The following C9orf85 variants were observed in gnomAD, a reference collection of about 807,000 sequenced individuals.
The protein encoded by C9orf85 is uncharacterized protein C9orf85.
In C9orf85, 16 loss-of-function variants were observed where a neutral mutation model predicts 14.9. The observed-to-expected ratio is 1.08, with a 90% CI of 0.73 to 1.63. The LOEUF is 1.63. Ranked by LOEUF, C9orf85 falls within the 40% of genes most tolerant of loss-of-function variation. C9orf85 has a pLI of 0.00. For synonymous variants in C9orf85, 45 were observed against 56.8 expected, an observed-to-expected ratio of 0.79 and a Z score of 0.93; for missense variants, 172 against 186.1, an observed-to-expected ratio of 0.92 and a Z score of 0.44.
chr9:71,967,321 A>G (rs182742367), intron 2 of C9orf85, among the ~76,000 whole-genome samples: 1 of 152,276 alleles, frequency 6.6e-6, no homozygotes, highest in African/African-American at 2.4e-5. Flanking sequence ...CTTGAAAATC[A>G]GTTGGTCATA....
intron 1 of C9orf85, among the ~76,000 whole-genome samples, chr9:71,925,376 C>T (rs1827905325): frequency 6.6e-6 from 1 of 152,112 alleles, no homozygotes; most frequent in African/African-American, 2.4e-5. Context: ...CAAAATTAGC[C>T]ATGCATGTTG....
chr9:71,955,151 C>T (rs927486362), intron 2 of C9orf85, among the ~76,000 whole-genome samples: 1 of 152,082 alleles, frequency 6.6e-6, no homozygotes, highest in African/African-American at 2.4e-5. Context: ...TGGTTAAATT[C>T]ATGATAGTTT....
At chr9:71,964,963 C>T (rs1822649739) in intron 2 of C9orf85, among the ~76,000 whole-genome samples, 1 of 152,116 alleles carries the variant, frequency 6.6e-6, no homozygotes, top group Non-Finnish European at 1.5e-5. Flanking sequence ...GCAATGGGCA[C>T]CTGGTAAGAT....
intron 1 of C9orf85, chr9:71,941,941 A>T (rs1469594892): frequency 1.3e-5 from 2 of 152,118 alleles, no homozygotes; most frequent in African/African-American, 4.8e-5. Flanking sequence ...AAAGGTAAGA[A>T]GATGTTAATA....
At chr9:71,929,158 AT>A (rs1286356034) in intron 1 of C9orf85, among the ~76,000 whole-genome samples, 1 of 152,066 alleles carries the variant, frequency 6.6e-6, no homozygotes, top group Non-Finnish European at 1.5e-5. Context: ...TACGAAGCAG[AT>A]TTTTTTTAAA....
chr9:71,935,806 G>T (rs1828173966), intron 1 of C9orf85, among the ~76,000 whole-genome samples: 1 of 152,098 alleles, frequency 6.6e-6, no homozygotes, highest in Admixed American at 6.5e-5. Flanking sequence ...ATGGATGGTG[G>T]TGATGGTTGT....
At chr9:71,930,803 C>CAAAAAAAAAAAAA (rs747596247) in intron 1 of C9orf85, among the ~76,000 whole-genome samples, 3 of 61,036 alleles carry the variant, frequency 4.9e-5, no homozygotes, top group African/African-American at 1.5e-4. Flanking sequence ...GACCCTGTCT[C>CAAAAAAAAAAAAA]AAAAAAAAAA....
intron 1 of C9orf85, among the ~76,000 whole-genome samples, chr9:71,918,743 G>C (rs1827718143): frequency 6.6e-6 from 1 of 152,178 alleles, no homozygotes; most frequent in Admixed American, 6.5e-5. Flanking sequence ...CTGATGATCT[G>C]TCACTGTCTC....
At chr9:71,949,457 G>A (rs1332410150) in intron 2 of C9orf85, among the ~76,000 whole-genome samples, 1 of 151,824 alleles carries the variant, frequency 6.6e-6, no homozygotes, top group Non-Finnish European at 1.5e-5. Flanking sequence ...GTTTTCTCGC[G>A]ACAGAGCAAG....
chr9:71,949,059 T>A (rs1240747372), intron 2 of C9orf85, among the ~76,000 whole-genome samples: 3 of 152,254 alleles, frequency 2.0e-5, no homozygotes, highest in Non-Finnish European at 4.4e-5. Context: ...CATGTAGTTT[T>A]AGTTAATAGG....
intron 1 of C9orf85, among the ~76,000 whole-genome samples, chr9:71,933,837 A>C (rs1272984175): frequency 6.6e-6 from 1 of 152,178 alleles, no homozygotes; most frequent in Non-Finnish European, 1.5e-5. Flanking sequence ...AGCCTTCAGA[A>C]GGTCATGCCC....
intron 2 of C9orf85, among the ~76,000 whole-genome samples, chr9:71,969,210 G>A (rs558699374): frequency 1.4e-4 from 21 of 152,164 alleles, no homozygotes; most frequent in African/African-American, 3.9e-4. Flanking sequence ...GTGCAGTGGC[G>A]CAATCTTGGC....
chr9:71,937,400 G>T (rs984102180), intron 1 of C9orf85, among the ~76,000 whole-genome samples: 17 of 152,114 alleles, frequency 1.1e-4, no homozygotes, highest in African/African-American at 3.9e-4. Context: ...GAATAGCTTT[G>T]CCCACTTATT....
intron 1 of C9orf85, among the ~76,000 whole-genome samples, chr9:71,918,795 C>T (rs1206368586): frequency 1.3e-5 from 2 of 152,258 alleles, no homozygotes; most frequent in South Asian, 4.1e-4. Flanking sequence ...AGGAAAAAAG[C>T]TAGGGCTCCC....
Position 71,954,973 on chromosome 9 carries a change from C to G in C9orf85, c.209+7861C>G, listed in dbSNP as rs77009017. ...TTTCTTGTAACTAAATTAGCCAAAC[C>G]AAGACGTTAAAGATAATATTTTATT... On this transcript the variant is annotated intron_variant, in intron 2 of 3. Coordinates refer to ENST00000334731, the MANE Select transcript of C9orf85 (RefSeq NM_182505.5). 9.8e-3 allele frequency among the ~76,000 whole-genome samples: 1,488 copies of G among 152,246 alleles called. 12 individuals are homozygous for G. Among genetic ancestry groups the G allele is most frequent in the Non-Finnish European group, 0.016 (1,118 of 68,024 alleles).
At chr9:71,921,428 T>C (rs558077838) in intron 1 of C9orf85, among the ~76,000 whole-genome samples, 4 of 152,246 alleles carry the variant, frequency 2.6e-5, no homozygotes, top group Non-Finnish European at 5.9e-5. Flanking sequence ...TGAACTCTTT[T>C]AACCAATTGC....
At chr9:71,926,917 GA>G (rs984842344) in intron 1 of C9orf85, among the ~76,000 whole-genome samples, 12 of 145,638 alleles carry the variant, frequency 8.2e-5, no homozygotes, top group Admixed American at 1.4e-4. Flanking sequence ...ATGATAAAAA[GA>G]AAAAAAAAAC....
Position 71,952,648 on chromosome 9 carries a change from C to T in C9orf85, c.209+5536C>T, listed in dbSNP as rs1336855393. ...CAAGTGCTGGGATTACAGGCATGAGCCACCATGCCTGGCCCAGCCTGCCTT... is the reference window on the plus strand; with the variant it reads ...CAAGTGCTGGGATTACAGGCATGAGTCACCATGCCTGGCCCAGCCTGCCTT... On this transcript the variant is annotated intron_variant, in intron 2 of 3. Coordinates refer to ENST00000334731, the MANE Select transcript of C9orf85 (RefSeq NM_182505.5). Among the ~76,000 whole-genome samples, 4 of 152,186 alleles carry T rather than the reference C, an allele frequency of 2.6e-5. No homozygotes were observed. In the East Asian group the frequency reaches 7.7e-4, roughly 29 times the overall value.
chr9:71,917,716 G>A (rs186874720), intron 1 of C9orf85, among the ~76,000 whole-genome samples: 2 of 152,318 alleles, frequency 1.3e-5, no homozygotes, highest in East Asian at 3.9e-4. Context: ...AGCATACTAT[G>A]TGATTCCATC....
Sources: gnomAD v4.1 joint callset for allele counts (sites outside exome capture counted in the v4.1 genomes callset) on GRCh38, gnomAD v4.1.1 for gene constraint, MANE v1.5 for transcripts, NCBI Gene and HGNC (gene_info 2026-07-23, HGNC 2026-07-21) for gene names.